Variants in RTN1 observed in about 807,000 individuals in gnomAD.
RTN1 encodes reticulon-1.
Under a neutral mutation model 65.5 loss-of-function variants are expected in RTN1, and 25 were observed. The ratio of observed to expected loss-of-function variants is 0.38; its 90% CI spans 0.28 to 0.53. The LOEUF (loss-of-function observed/expected upper bound fraction) is 0.53, where lower values mean the gene tolerates loss of function less well. RTN1 is among the 20% of genes least tolerant of loss of function. The pLI is 0.79. For missense variants in RTN1, 983 were observed against 1,025.4 expected, an observed-to-expected ratio of 0.96 and a Z score of 0.57; for synonymous variants, 471 against 447.6, an observed-to-expected ratio of 1.05 and a Z score of -0.66.
chr14:59,727,847 C>T lies in RTN1; in HGVS notation c.1016-179G>A, dbSNP rs1884814082. ...TCCAGGGCTATGCTGGAAAGACAGG[C>T]CACCTGAACTAAAAGGCTAATTACT... On this transcript the variant is annotated intron_variant, in intron 2 of 8. Transcript: ENST00000267484. The surrounding 1 kb of genome is among the most constrained non-coding windows in gnomAD (Gnocchi z 4.2). 1 of 851,250 alleles carries T rather than the reference C, an allele frequency of 1.2e-6. No individual in the cohort carries two copies. Among genetic ancestry groups the T allele is most frequent in the East Asian group, 3.0e-5 (1 of 33,612 alleles). The allele number at this position is 851,250 out of a possible 1,614,324, so 52.7% of individuals were successfully genotyped here. A position where few individuals can be genotyped will look rare whatever the true frequency, so the allele number is the denominator to read the frequency against.
chr14:59,841,498 C>A (rs1259546728), intron 1 of RTN1, among the ~76,000 whole-genome samples: 1 of 152,006 alleles, frequency 6.6e-6, no homozygotes, highest in Non-Finnish European at 1.5e-5. Flanking sequence ...GAGTTCGAGA[C>A]CAGCCTGGCC....
intron 3 of RTN1, among the ~76,000 whole-genome samples, chr14:59,633,582 T>A (rs77323981): frequency 0.021 from 3,186 of 152,336 alleles, 42 homozygotes; most frequent in Non-Finnish European, 0.031. Flanking sequence ...AGAGAAGATA[T>A]GTAAATTTTC....
At chr14:59,617,572 T>A (rs1012873655) in intron 3 of RTN1, among the ~76,000 whole-genome samples, 7 of 152,090 alleles carry the variant, frequency 4.6e-5, no homozygotes, top group African/African-American at 1.2e-4. Flanking sequence ...GAGAGAAAAA[T>A]TATGATTCAA....
At chr14:59,711,375 C>T (rs2139457938) in intron 3 of RTN1, among the ~76,000 whole-genome samples, 1 of 152,316 alleles carries the variant, frequency 6.6e-6, no homozygotes, top group Middle Eastern at 3.4e-3. Context: ...GGGGTGATCA[C>T]TCCAGGAATG....
Position 59,810,931 on chromosome 14 carries a change from G to T in RTN1, c.241+59459C>A, listed in dbSNP as rs547592229. On this transcript the variant is annotated intron_variant, in intron 1 of 8. Transcript: ENST00000267484. ...TAGAGACCCTTTATTACAGGACCCT[G>T]GATTGTAGCTGCAGCCCAGTTTTCT... 5.3e-5 allele frequency among the ~76,000 whole-genome samples: 8 copies of T among 152,228 alleles called. No individual in the cohort carries two copies. In the South Asian group the frequency reaches 1.7e-3, roughly 32 times the overall value.
intron 3 of RTN1, among the ~76,000 whole-genome samples, chr14:59,710,022 T>C: frequency 1.5e-5 from 2 of 135,706 alleles, no homozygotes; most frequent in South Asian, 2.7e-4. Flanking sequence ...TTTCCTCCTC[T>C]CCTCTCCTCT....
intron 3 of RTN1, among the ~76,000 whole-genome samples, chr14:59,614,142 T>C (rs1882040305): frequency 6.6e-6 from 1 of 152,176 alleles, no homozygotes; most frequent in Admixed American, 6.5e-5. Flanking sequence ...TGATTGGCTT[T>C]GGGTTACCTT....
chr14:59,740,674 C>A (rs1205780959), intron 2 of RTN1, among the ~76,000 whole-genome samples: 1 of 152,126 alleles, frequency 6.6e-6, no homozygotes, highest in Non-Finnish European at 1.5e-5. Flanking sequence ...AATAATTCAC[C>A]CTTACCATGA....
rs551780560 is a variant in RTN1 at position 59,849,762 on chromosome 14, G to C, written c.241+20628C>G. Among the ~76,000 whole-genome samples, 1 of 152,234 alleles carries C rather than the reference G, an allele frequency of 6.6e-6. No individual in the cohort carries two copies. The highest frequency in any genetic ancestry group is 1.9e-4 in the East Asian group (1 of 5,178). On this transcript the variant is annotated intron_variant, in intron 1 of 8. Transcript: ENST00000267484. This position sits in a 1 kb window ranked among gnomAD's most constrained non-coding sequence, Gnocchi z 4.5. ...AAACATGTGAATTACAATTTCTAAGGGAAGTAAAGCCAAGAACTCCCACTC... is the reference window on the plus strand; with the variant it reads ...AAACATGTGAATTACAATTTCTAAGCGAAGTAAAGCCAAGAACTCCCACTC...
At chr14:59,621,370 G>T (rs534247071) in intron 3 of RTN1, among the ~76,000 whole-genome samples, 25 of 152,286 alleles carry the variant, frequency 1.6e-4, no homozygotes, top group African/African-American at 5.5e-4. Context: ...TTACTATATT[G>T]CTTTGCCAGT....
intron 1 of RTN1, among the ~76,000 whole-genome samples, chr14:59,792,945 A>ACT (rs1886376057): frequency 6.6e-6 from 1 of 152,178 alleles, no homozygotes; most frequent in Non-Finnish European, 1.5e-5. Flanking sequence ...GATCTATATT[A>ACT]CTTCATGTGC....
intron 1 of RTN1, among the ~76,000 whole-genome samples, chr14:59,838,341 T>C (rs1887250807): frequency 6.6e-6 from 1 of 152,154 alleles, no homozygotes; most frequent in African/African-American, 2.4e-5. Context: ...CATTCACATC[T>C]TTTGACCCAG....
Position 59,870,428 on chromosome 14 carries a change from G to C in RTN1, c.203C>G (p.Ala68Gly). The C allele has an allele frequency of 2.6e-6, 4 of 1,521,658 alleles. No homozygotes were observed. The highest frequency in any genetic ancestry group is 3.5e-6 in the Non-Finnish European group (4 of 1,146,628). 94.3% of individuals were successfully genotyped at this position (1,521,658 alleles called of 1,614,324 possible). A position where few individuals can be genotyped will look rare whatever the true frequency, so the allele number is the denominator to read the frequency against. The change falls in exon 1 of 9, where the codon GCC becomes GGC. Residue 68 changes from alanine to glycine, a missense_variant. By Grantham distance (60) the Ala-to-Gly change is moderately conservative (BLOSUM62 0). Transcript: ENST00000267484. The surrounding 1 kb of genome is among the most constrained non-coding windows in gnomAD (Gnocchi z 5.1). ...AASREAGSGPARQSPVAMETA... is the reference protein window; with the variant it reads ...AASREAGSGPGRQSPVAMETA... ...TTCCATGGCAACGGGCGACTGCCGG[G>C]CGGGGCCCGAGCCGGCTTCCCGCGA...
intron 3 of RTN1, among the ~76,000 whole-genome samples, chr14:59,702,910 G>A (rs1273357447): frequency 1.3e-5 from 2 of 152,142 alleles, no homozygotes; most frequent in African/African-American, 4.8e-5. Flanking sequence ...AGCCACCCTG[G>A]CTTCCTTGCG....
At chr14:59,810,420 C>G (rs79013428) in intron 1 of RTN1, among the ~76,000 whole-genome samples, 1 of 152,266 alleles carries the variant, frequency 6.6e-6, no homozygotes, top group African/African-American at 2.4e-5. Context: ...CATATGCCTA[C>G]TGTAGAAGTA....
intron 8 of RTN1, among the ~76,000 whole-genome samples, chr14:59,598,971 G>A (rs1420121273): frequency 6.6e-6 from 1 of 152,178 alleles, no homozygotes; most frequent in Non-Finnish European, 1.5e-5. Flanking sequence ...CTGTTAAAAT[G>A]TCCAACCCTG....
intron 3 of RTN1, among the ~76,000 whole-genome samples, chr14:59,670,622 G>A (rs1026167965): frequency 1.1e-4 from 16 of 147,632 alleles, no homozygotes; most frequent in Non-Finnish European, 1.6e-4. Flanking sequence ...TGACCAATTC[G>A]GCACATGTTT....
intron 3 of RTN1, among the ~76,000 whole-genome samples, chr14:59,615,753 A>T (rs1054842397): frequency 6.6e-6 from 1 of 152,224 alleles, no homozygotes; most frequent in Non-Finnish European, 1.5e-5. Context: ...AAAAGATAAT[A>T]AAAAGGTCTT....
intron 3 of RTN1, among the ~76,000 whole-genome samples, chr14:59,615,555 C>G (rs576528451): frequency 8.6e-4 from 131 of 152,282 alleles, no homozygotes; most frequent in African/African-American, 2.9e-3. Flanking sequence ...GAAAATTGAT[C>G]TGCTGTTTAA....
Sources: gnomAD v4.1 joint callset for allele counts (sites outside exome capture counted in the v4.1 genomes callset) on GRCh38, gnomAD v4.1.1 for gene constraint, Gnocchi (gnomAD v3.1) non-coding constraint, MANE v1.5 for transcripts, NCBI Gene and HGNC (gene_info 2026-07-23, HGNC 2026-07-21) for gene names.